Variants in TYW1B observed in about 807,000 individuals in gnomAD.
The protein encoded by TYW1B is tRNA-yW synthesizing protein 1 homolog B, also known as S-adenosyl-L-methionine-dependent tRNA 4-demethylwyosine synthase TYW1B.
Under a neutral mutation model 86.9 loss-of-function variants are expected in TYW1B, and 73 were observed. That is an observed-to-expected ratio of 0.84 (90% CI 0.70 to 1.02). The LOEUF is 1.02. TYW1B is among the 50% of genes least tolerant of loss of function. The pLI is 0.00. For missense variants in TYW1B, 637 were observed against 827.4 expected, an observed-to-expected ratio of 0.77 and a Z score of 2.82; for synonymous variants, 248 against 292.8, an observed-to-expected ratio of 0.85 and a Z score of 1.56.
At chr7:72,693,578 A>G (rs1322066219) in intron 11 of TYW1B, among the ~76,000 whole-genome samples, 1 of 151,848 alleles carries the variant, frequency 6.6e-6, no homozygotes, top group African/African-American at 2.4e-5. Flanking sequence ...GTTTTTTGGT[A>G]GAGACGGGGT....
At chr7:72,763,590 G>T (rs1787724177) in intron 7 of TYW1B, among the ~76,000 whole-genome samples, 1 of 152,074 alleles carries the variant, frequency 6.6e-6, no homozygotes, top group Non-Finnish European at 1.5e-5. Flanking sequence ...CCAGATTAAG[G>T]TTTTTCTATC....
Position 72,810,620 on chromosome 7 carries a change from C to T in TYW1B, c.283G>A (p.Asp95Asn). ...VCVFLVATYT[D>N]GLPTESAEWF... is the part of the protein sequence containing the mutation. ...TCTGCACTTTCGGTTGGTAGGCCGTCAGTGTATGTCGCAACCAGGAAGACA... is the reference window on the plus strand; with the variant it reads ...TCTGCACTTTCGGTTGGTAGGCCGTTAGTGTATGTCGCAACCAGGAAGACA... Residue 95 changes from aspartate (D) to asparagine (N), a missense_variant, in exon 4 of 14, where the codon GAC (aspartate) becomes AAC (asparagine). By Grantham distance (23) the Asp-to-Asn change is conservative. Transcript: ENST00000620995. The T allele has an allele frequency of 6.2e-7, 1 of 1,613,796 alleles. No homozygotes were observed. Among genetic ancestry groups the T allele is most frequent in the South Asian group, 1.1e-5 (1 of 91,054 alleles).
intron 10 of TYW1B, among the ~76,000 whole-genome samples, chr7:72,705,021 G>A (rs1814579690): frequency 6.6e-6 from 1 of 152,066 alleles, no homozygotes; most frequent in South Asian, 2.1e-4. Flanking sequence ...GGGGGGCGGG[G>A]AACTTCTATT....
At chr7:72,713,846 G>A in intron 9 of TYW1B, 48 bp from the exon 10 acceptor site, 2 of 1,496,030 alleles carry the variant, frequency 1.3e-6, no homozygotes, top group Non-Finnish European at 1.8e-6. Context: ...CACAGATAGA[G>A]GATGTCACGT....
chr7:72,616,321 A>AC (rs1554436852), intron 13 of TYW1B, among the ~76,000 whole-genome samples: 1 of 152,176 alleles, frequency 6.6e-6, no homozygotes, highest in Non-Finnish European at 1.5e-5. Context: ...ACAGCTAGAA[A>AC]CCCATATGGG....
At chr7:72,692,300 C>G (rs1554450473) in intron 11 of TYW1B, among the ~76,000 whole-genome samples, 1 of 151,680 alleles carries the variant, frequency 6.6e-6, no homozygotes, top group Non-Finnish European at 1.5e-5. Context: ...CCCAACACTT[C>G]CAAGGCAGGA....
At chr7:72,663,698 A>C (rs1430697203) in intron 11 of TYW1B, among the ~76,000 whole-genome samples, 49 of 135,138 alleles carry the variant, frequency 3.6e-4, no homozygotes, top group Non-Finnish European at 6.3e-4. Context: ...CGGGGGGCGG[A>C]GCTTGCAGTG....
Position 72,787,415 on chromosome 7 carries a change from A to G in TYW1B, c.847-9882T>C, listed in dbSNP as rs184346236. Among the ~76,000 whole-genome samples the G allele has an allele frequency of 1.4e-3, 206 of 151,366 alleles. 1 individual carries two copies. The highest frequency in any genetic ancestry group is 1.7e-3 in the South Asian group (8 of 4,776). On this transcript the variant is annotated intron_variant, in intron 6 of 13. Transcript: ENST00000620995. ...GAGGCAGAGGTTGCAGTGAGCCAAG[A>G]TTGCACCACTGCACTCCAGCCTGGG...
chr7:72,696,329 T>C (rs1814320482), intron 10 of TYW1B, among the ~76,000 whole-genome samples: 2 of 152,154 alleles, frequency 1.3e-5, no homozygotes, highest in African/African-American at 2.4e-5. Flanking sequence ...AATTTAGAAC[T>C]AGAAAAAACA....
intron 13 of TYW1B, 24 bp downstream of exon 13, chr7:72,616,648 A>T: frequency 6.2e-7 from 1 of 1,613,990 alleles, no homozygotes; most frequent in Non-Finnish European, 8.5e-7. Flanking sequence ...GGAACAGAAG[A>T]TTCCATGTTT....
intron 13 of TYW1B, among the ~76,000 whole-genome samples, chr7:72,587,898 A>G (rs56239380): frequency 0.46 from 69,130 of 151,406 alleles, 17,729 homozygotes; most frequent in African/African-American, 0.71. Flanking sequence ...AGATGCAGTC[A>G]GTTAGGTGAG....
At chr7:72,706,048 G>A (rs1254931532) in intron 10 of TYW1B, among the ~76,000 whole-genome samples, 3 of 152,164 alleles carry the variant, frequency 2.0e-5, no homozygotes, top group African/African-American at 7.2e-5. Flanking sequence ...CAGGGACCAG[G>A]AAATAATGTG....
intron 11 of TYW1B, among the ~76,000 whole-genome samples, chr7:72,641,730 G>T (rs1458462538): frequency 3.3e-5 from 5 of 152,072 alleles, no homozygotes; most frequent in Admixed American, 1.3e-4. Flanking sequence ...CTAGATAAAG[G>T]TGATAATTAC....
intron 11 of TYW1B, among the ~76,000 whole-genome samples, chr7:72,664,497 G>C (rs1554444951): frequency 1.3e-5 from 2 of 152,128 alleles, no homozygotes; most frequent in Middle Eastern, 3.4e-3. Flanking sequence ...AACTAACACA[G>C]GAATGGAAAA....
Position 72,828,191 on chromosome 7 carries a change from G to A in TYW1B, c.-116C>T. The A allele has an allele frequency of 6.4e-7, 1 of 1,556,384 alleles. No individual in the cohort carries two copies. The highest frequency in any genetic ancestry group is 8.7e-7 in the Non-Finnish European group (1 of 1,145,814). On this transcript the variant is annotated 5_prime_UTR_variant, in exon 1 of 14. Coordinates refer to ENST00000620995, the MANE Select transcript of TYW1B (RefSeq NM_001145440.3). Reference sequence around the variant, plus strand: ...GGCGTTAGCGCCGTACCGAGTGGCTGCAGAACTGTGGGCAGCTACGACGCT... The same window carrying A: ...GGCGTTAGCGCCGTACCGAGTGGCTACAGAACTGTGGGCAGCTACGACGCT...
At chr7:72,756,965 C>CA (rs1188439075) in intron 7 of TYW1B, among the ~76,000 whole-genome samples, 3 of 151,982 alleles carry the variant, frequency 2.0e-5, no homozygotes, top group Non-Finnish European at 2.9e-5. Flanking sequence ...TGGCAATAAT[C>CA]AAAAAAATGA....
At chr7:72,749,918 T>TG (rs1486509582) in intron 7 of TYW1B, among the ~76,000 whole-genome samples, 8 of 149,140 alleles carry the variant, frequency 5.4e-5, no homozygotes, top group African/African-American at 7.3e-5. Context: ...TTTTGTTTTT[T>TG]TTTTTTTTTT....
At chr7:72,791,489 T>C (rs554552202) in intron 6 of TYW1B, among the ~76,000 whole-genome samples, 37 of 150,766 alleles carry the variant, frequency 2.5e-4, no homozygotes, top group Non-Finnish European at 4.4e-4. Context: ...TTAAGAACAA[T>C]AGAACAGGAC....
intron 11 of TYW1B, among the ~76,000 whole-genome samples, chr7:72,692,060 GC>G (rs1158898769): frequency 6.6e-6 from 1 of 151,564 alleles, no homozygotes; most frequent in Non-Finnish European, 1.5e-5. Context: ...ACAAAAACTA[GC>G]CGGGCATGGT....
Sources: allele counts gnomAD v4.1 joint callset (sites outside exome capture counted in the v4.1 genomes callset), GRCh38; gene constraint gnomAD v4.1.1; transcripts MANE v1.5; gene names NCBI Gene and HGNC (gene_info 2026-07-23, HGNC 2026-07-21).